The following BBS9 variants were observed in gnomAD, a reference collection of about 807,000 sequenced individuals.
BBS9 encodes protein PTHB1.
Under a neutral mutation model 117.7 loss-of-function variants are expected in BBS9, and 89 were observed. The observed-to-expected ratio is 0.76, with a 90% confidence interval of 0.64 to 0.90. The LOEUF (loss-of-function observed/expected upper bound fraction) is 0.90, where lower values mean the gene tolerates loss of function less well. BBS9 is among the 40% of genes least tolerant of loss of function. BBS9 has a pLI of 0.00. For synonymous variants in BBS9, 379 were observed against 370.9 expected (o/e 1.02, Z -0.25); for missense variants, 982 against 1,042.2 (o/e 0.94, Z 0.80).
intron 5 of BBS9, among the ~76,000 whole-genome samples, chr7:33,182,094 A>G (rs1451652737): frequency 6.6e-6 from 1 of 152,178 alleles, no homozygotes; most frequent in Non-Finnish European, 1.5e-5. Context: ...CTCAAACAAA[A>G]CAAAACAAAA....
At chr7:33,364,831 C>T (rs1821359896) in intron 16 of BBS9, among the ~76,000 whole-genome samples, 1 of 150,818 alleles carries the variant, frequency 6.6e-6, no homozygotes. Context: ...TGGGCTCAAG[C>T]AATCCTCCGA....
intron 21 of BBS9, among the ~76,000 whole-genome samples, chr7:33,592,577 A>G (rs76082142): frequency 6.6e-6 from 1 of 152,054 alleles, no homozygotes; most frequent in Non-Finnish European, 1.5e-5. Context: ...TCCTTGTCCT[A>G]TGTGGAAGGA....
At chr7:33,341,257 T>G (rs1816487274) in intron 11 of BBS9, among the ~76,000 whole-genome samples, 1 of 152,122 alleles carries the variant, frequency 6.6e-6, no homozygotes, top group African/African-American at 2.4e-5. Flanking sequence ...TTAAAAAAAT[T>G]TTTTTTCAAA....
At chr7:33,629,467 G>A (rs1305496352) in intron 21 of BBS9, among the ~76,000 whole-genome samples, 38 of 152,132 alleles carry the variant, frequency 2.5e-4, no homozygotes, top group Admixed American at 2.4e-3. Flanking sequence ...TGGCTCTGCT[G>A]TTCGATCGCT....
chr7:33,333,066 T>C (rs1723789757), intron 9 of BBS9, among the ~76,000 whole-genome samples: 1 of 152,130 alleles, frequency 6.6e-6, no homozygotes, highest in Admixed American at 6.5e-5. Flanking sequence ...AGGAATCTCA[T>C]CTAAAAAGAA....
chr7:33,587,959 A>G (rs1257780381), intron 21 of BBS9, among the ~76,000 whole-genome samples: 1 of 152,080 alleles, frequency 6.6e-6, no homozygotes, highest in African/African-American at 2.4e-5. Flanking sequence ...GCCCCAGTGG[A>G]TATAACATGG....
chr7:33,583,745 T>G (rs1860411340), intron 21 of BBS9, among the ~76,000 whole-genome samples: 1 of 152,098 alleles, frequency 6.6e-6, no homozygotes, highest in African/African-American at 2.4e-5. Flanking sequence ...AACATGGTTT[T>G]AGAGCCACGT....
At position 33,321,161 on chromosome 7, in the gene BBS9, G is replaced by A. The variant is rs184493806; in HGVS notation, c.1017-15280G>A. 3.4e-4 allele frequency among the ~76,000 whole-genome samples: 51 copies of A among 152,012 alleles called. No individual in the cohort carries two copies. The East Asian group carries it at 4.1e-3, about 12-fold the overall frequency. Reference sequence around the variant, plus strand: ...TAGCTCTGTAGTTTAATTTGAAGTCGGGTAATGTGATCCTTCCAGTTTTGT... The same window carrying A: ...TAGCTCTGTAGTTTAATTTGAAGTCAGGTAATGTGATCCTTCCAGTTTTGT... On this transcript the variant is annotated intron_variant, in intron 9 of 22. Coordinates refer to ENST00000242067, the MANE Select transcript of BBS9 (RefSeq NM_198428.3).
chr7:33,518,094 T>G lies in BBS9; in HGVS notation c.2298+12449T>G, dbSNP rs149112063. Among the ~76,000 whole-genome samples, 232 of 152,282 alleles carry G rather than the reference T, an allele frequency of 1.5e-3. 1 individual carries two copies. The highest frequency in any genetic ancestry group is 4.8e-3 in the African/African-American group (200 of 41,554). On this transcript the variant is annotated intron_variant, in intron 20 of 22. Transcript: ENST00000242067. ...TTACAGTATTGTATAGATCTTTCTG[T>G]CATGAATAACTTTTATTTGACAAAT...
intron 19 of BBS9, among the ~76,000 whole-genome samples, chr7:33,412,744 T>C (rs1584732171): frequency 1.3e-5 from 2 of 152,248 alleles, no homozygotes; most frequent in African/African-American, 4.8e-5. Flanking sequence ...TTTGAAAGTT[T>C]ACGCTTATAT....
intron 9 of BBS9, among the ~76,000 whole-genome samples, chr7:33,288,600 A>G (rs1331046421): frequency 1.3e-5 from 2 of 152,210 alleles, no homozygotes; most frequent in South Asian, 2.1e-4. Flanking sequence ...TATTTCATCA[A>G]AAAATTACCT....
In BBS9 at chr7:33,505,685, A is replaced by G. The variant is rs369705279; in HGVS notation, c.2298+40A>G. The G allele has an allele frequency of 1.0e-5, 16 of 1,605,996 alleles. No individual in the cohort carries two copies. In the Middle Eastern group the frequency reaches 8.5e-4, roughly 85 times the overall value. On this transcript the variant is annotated intron_variant, in intron 20 of 22. Transcript: ENST00000242067. ...GCCTGTGGTGGGAACAGCCAGCATT[A>G]TTGAAGTTTCGGCTTTAGGAAGATA...
chr7:33,183,335 G>C (rs937417844), intron 5 of BBS9, among the ~76,000 whole-genome samples: 1 of 151,254 alleles, frequency 6.6e-6, no homozygotes, highest in African/African-American at 2.4e-5. Context: ...AGTTGACTGA[G>C]AAGAAAAAAC....
intron 19 of BBS9, among the ~76,000 whole-genome samples, chr7:33,496,827 A>G (rs1563258410): frequency 6.6e-6 from 1 of 152,212 alleles, no homozygotes; most frequent in East Asian, 1.9e-4. Flanking sequence ...TGGCATTTAA[A>G]CCATCTCCAT....
At chr7:33,632,538 CTT>C (rs1865942087) in intron 21 of BBS9, among the ~76,000 whole-genome samples, 1 of 152,200 alleles carries the variant, frequency 6.6e-6, no homozygotes, top group South Asian at 2.1e-4. Context: ...TTCTGGTAGA[CTT>C]GCGATTTTGC....
intron 19 of BBS9, among the ~76,000 whole-genome samples, chr7:33,493,110 T>G (rs1026405727): frequency 2.0e-5 from 3 of 152,138 alleles, no homozygotes; most frequent in African/African-American, 7.2e-5. Flanking sequence ...TTCTTGTCCC[T>G]TAGCCTCCTG....
rs575094884 is a variant in BBS9 at position 33,453,384 on chromosome 7, G to A, written c.2116-52079G>A. Among the ~76,000 whole-genome samples the A allele has an allele frequency of 2.0e-5, 3 of 152,168 alleles. No homozygotes were observed. In the South Asian group the frequency reaches 6.2e-4, roughly 32 times the overall value. ...TCCACTTATATGTTCATTTTCTTGT[G>A]CCTCTGCCACCTCAGAGACAGTAAA... On this transcript the variant is annotated intron_variant, in intron 19 of 22. Transcript: ENST00000242067.
chr7:33,359,514 A>G (rs910441482), intron 16 of BBS9, among the ~76,000 whole-genome samples: 3 of 152,230 alleles, frequency 2.0e-5, no homozygotes, highest in African/African-American at 4.8e-5. Flanking sequence ...GGAATGGGAC[A>G]CAATGACAAA....
In BBS9 at chr7:33,516,775, A is replaced by G. The variant is rs1410280302; in HGVS notation, c.2298+11130A>G. On this transcript the variant is annotated intron_variant, in intron 20 of 22. Coordinates refer to ENST00000242067, the MANE Select transcript of BBS9 (RefSeq NM_198428.3). ...GAGAAGTAGTCAAGACTGAGTCTCT[A>G]TTGGTATCATTTTAAATTTGGTCTA... 2.0e-5 allele frequency among the ~76,000 whole-genome samples: 3 copies of G among 152,218 alleles called. No individual in the cohort carries two copies. In the East Asian group the frequency reaches 5.8e-4, roughly 29 times the overall value.
Sources: allele counts gnomAD v4.1 joint callset (sites outside exome capture counted in the v4.1 genomes callset), GRCh38; gene constraint gnomAD v4.1.1; transcripts MANE v1.5; gene names NCBI Gene and HGNC (gene_info 2026-07-23, HGNC 2026-07-21).